WIPI2: variants seen among roughly 807,000 people sequenced by gnomAD.
WIPI2 encodes the protein WD repeat domain, phosphoinositide interacting 2, also known as WD repeat domain phosphoinositide-interacting protein 2.
A neutral mutation model predicts 52.3 loss-of-function variants in WIPI2; 28 were observed. The observed-to-expected ratio is 0.54, with a 90% confidence interval of 0.40 to 0.73. WIPI2 has a LOEUF of 0.73. Ranked by LOEUF, WIPI2 falls within the 30% of genes least tolerant of loss-of-function variation. WIPI2 has a pLI of 0.00. For synonymous variants in WIPI2, 268 were observed against 245.0 expected (o/e 1.09, Z -0.88); for missense variants, 506 against 602.9 (o/e 0.84, Z 1.68).
chr7:5,229,811 C>T (rs970745404), intron 12 of WIPI2, 73 bp downstream of exon 12: 43 of 1,578,664 alleles, frequency 2.7e-5, no homozygotes, highest in South Asian at 1.9e-4. Context: ...CTGCTGGCTC[C>T]GGAGCCACCC....
intron 3 of WIPI2, among the ~76,000 whole-genome samples, chr7:5,205,855 T>TC (rs1311433413): frequency 1.3e-5 from 2 of 148,284 alleles, no homozygotes; most frequent in Non-Finnish European, 3.0e-5. Flanking sequence ...TTTTTTTTTT[T>TC]CCCCCATGCA....
chr7:5,204,984 T>G (rs918396945), intron 3 of WIPI2, among the ~76,000 whole-genome samples: 1 of 149,804 alleles, frequency 6.7e-6, no homozygotes, highest in Non-Finnish European at 1.5e-5. Context: ...CCTATTAGTC[T>G]TTTTTTTTTG....
In WIPI2 at chr7:5,204,262, T is replaced by C. The variant is rs1227854157; in HGVS notation, c.211+4604T>C. Among the ~76,000 whole-genome samples, 3 of 151,700 alleles carry C rather than the reference T, an allele frequency of 2.0e-5. No homozygotes were observed. In the East Asian group the frequency reaches 5.9e-4, roughly 30 times the overall value. ...CGGGTGGATCACCTGAGGTGAGGAG[T>C]TAGAGACCAGCCTGGCCAACATGGT... On this transcript the variant is annotated intron_variant, in intron 3 of 12. Transcript: ENST00000288828.
At chr7:5,209,617 G>A (rs549738760) in intron 3 of WIPI2, among the ~76,000 whole-genome samples, 7 of 152,134 alleles carry the variant, frequency 4.6e-5, no homozygotes, top group African/African-American at 7.2e-5. Context: ...TGAGATGATC[G>A]TCTCATACTG....
chr7:5,227,520 C>G lies in WIPI2; in HGVS notation c.1013+176C>G, dbSNP rs41280687. ...CCTGGCAGGCACTAGGCTTGCCGCTCTGTGCGGGGGTCCATTTCCAGACGG... is the reference window on the plus strand; with the variant it reads ...CCTGGCAGGCACTAGGCTTGCCGCTGTGTGCGGGGGTCCATTTCCAGACGG... On this transcript the variant is annotated intron_variant, in intron 10 of 12. Coordinates refer to ENST00000288828, the MANE Select transcript of WIPI2 (RefSeq NM_015610.4). This position sits in a 1 kb window ranked among gnomAD's most constrained non-coding sequence, Gnocchi z 8.1. Among the ~76,000 whole-genome samples, 2,154 of 152,320 alleles carry G rather than the reference C, an allele frequency of 0.014. 22 individuals are homozygous for G. The highest frequency in any genetic ancestry group is 0.021 in the Non-Finnish European group (1,441 of 68,018).
In WIPI2 at chr7:5,199,589, GGTA is replaced by G. The variant is rs1781925227; in HGVS notation, c.146_148del (p.Ser49del). 6.2e-7 allele frequency: 1 copy of G among 1,612,868 alleles called. No individual in the cohort carries two copies. The highest frequency in any genetic ancestry group is 1.3e-5 in the African/African-American group (1 of 74,646). ...GCTTTTTTGCAGGTCCCTAGCTGTT[GGTA>G]GTAAGTCCGGTTATAAATTTTTCTC... On this transcript the variant is annotated inframe_deletion, in exon 3 of 13. Transcript: ENST00000288828.
intron 8 of WIPI2, 157 bp downstream of exon 8, chr7:5,222,829 T>C: frequency 1.4e-6 from 1 of 693,072 alleles, no homozygotes; most frequent in Non-Finnish European, 2.5e-6. Flanking sequence ...GTCGGTCTTG[T>C]CATGGGAATT....
chr7:5,199,753 A>G (rs1379450457), intron 3 of WIPI2, 95 bp downstream of exon 3: 2 of 1,234,082 alleles, frequency 1.6e-6, no homozygotes, highest in African/African-American at 3.0e-5. Context: ...CTGTGGTTGA[A>G]GTCCAGACAC....
intron 7 of WIPI2, among the ~76,000 whole-genome samples, chr7:5,221,964 TTCC>T (rs767240604): frequency 1.6e-5 from 2 of 124,770 alleles, no homozygotes; most frequent in South Asian, 2.6e-4. Context: ...TTTTTTTTTT[TTCC>T]CCCCCCGAGA....
intron 7 of WIPI2, among the ~76,000 whole-genome samples, chr7:5,220,454 T>A (rs542923767): frequency 6.6e-6 from 1 of 151,830 alleles, no homozygotes; most frequent in African/African-American, 2.4e-5. Context: ...TTGGCCAGGC[T>A]GGTCGTGAAC....
chr7:5,223,896 C>T (rs1450041640), intron 8 of WIPI2, among the ~76,000 whole-genome samples: 3 of 152,268 alleles, frequency 2.0e-5, no homozygotes, highest in African/African-American at 2.4e-5. Flanking sequence ...CCTGTGGGCC[C>T]GCCCTGTGCC....
intron 8 of WIPI2, among the ~76,000 whole-genome samples, chr7:5,224,149 C>T (rs193144806): frequency 1.1e-3 from 168 of 152,352 alleles, no homozygotes; most frequent in African/African-American, 3.9e-3. Context: ...TTTCACTGTC[C>T]CTGTCCTGGC....
At chr7:5,217,842 C>A in intron 6 of WIPI2, 80 bp from the exon 7 acceptor site, 1 of 1,376,624 alleles carries the variant, frequency 7.3e-7, no homozygotes, top group Non-Finnish European at 1.0e-6. Context: ...AGCTAATTGG[C>A]ACTTGCGGAC....
At chr7:5,215,248 T>A (rs1257303196) in intron 4 of WIPI2, among the ~76,000 whole-genome samples, 1 of 122,344 alleles carries the variant, frequency 8.2e-6, no homozygotes, top group Non-Finnish European at 1.7e-5. Flanking sequence ...GAGTCGGAAG[T>A]TGCAGTGAGC....
intron 2 of WIPI2, among the ~76,000 whole-genome samples, chr7:5,193,549 T>C (rs568724377): frequency 6.6e-6 from 1 of 152,330 alleles, no homozygotes; most frequent in African/African-American, 2.4e-5. Context: ...CTCCTCTCTT[T>C]GTTCATCTGT....
intron 4 of WIPI2, among the ~76,000 whole-genome samples, chr7:5,215,914 AC>A (rs1782788147): frequency 6.6e-6 from 1 of 151,840 alleles, no homozygotes; most frequent in Admixed American, 6.6e-5. Flanking sequence ...ACCTTTTAAA[AC>A]CCCCTTATTT....
chr7:5,217,257 T>TC, intron 6 of WIPI2, 70 bp downstream of exon 6: 1 of 1,495,436 alleles, frequency 6.7e-7, no homozygotes, highest in Non-Finnish European at 9.3e-7. Flanking sequence ...CACTGTGGTG[T>TC]CCCTGGCATC....
chr7:5,206,517 C>T (rs1443465306), intron 3 of WIPI2, among the ~76,000 whole-genome samples: 1 of 152,170 alleles, frequency 6.6e-6, no homozygotes, highest in East Asian at 1.9e-4. Context: ...GAAAGCTCTG[C>T]TTTTTCTCAT....
chr7:5,211,771 CT>C (rs1279495568), intron 3 of WIPI2, among the ~76,000 whole-genome samples: 1 of 152,202 alleles, frequency 6.6e-6, no homozygotes, highest in Non-Finnish European at 1.5e-5. Context: ...GAGTCCAACT[CT>C]TCTTTCACCA....
Sources: gnomAD v4.1 joint callset for allele counts (sites outside exome capture counted in the v4.1 genomes callset) on GRCh38, gnomAD v4.1.1 for gene constraint, Gnocchi (gnomAD v3.1) non-coding constraint, MANE v1.5 for transcripts, NCBI Gene and HGNC (gene_info 2026-07-23, HGNC 2026-07-21) for gene names.